BAZ1A: variants seen among roughly 807,000 people sequenced by gnomAD.
BAZ1A encodes the protein bromodomain adjacent to zinc finger domain 1A, also known as bromodomain adjacent to zinc finger domain protein 1A.
Under a neutral mutation model 185.2 loss-of-function variants are expected in BAZ1A, and 50 were observed. The ratio of observed to expected loss-of-function variants is 0.27; its 90% CI spans 0.22 to 0.34. The LOEUF (loss-of-function observed/expected upper bound fraction) is 0.34. BAZ1A is among the 10% of genes least tolerant of loss of function. The pLI is 1.00. For synonymous variants in BAZ1A, 571 were observed against 615.6 expected (o/e 0.93, Z 1.07); for missense variants, 1,356 against 1,839.9 (o/e 0.74, Z 4.81).
chr14:34,853,809 T>C (rs866920485), intron 3 of BAZ1A, among the ~76,000 whole-genome samples: 16 of 152,020 alleles, frequency 1.1e-4, no homozygotes, highest in African/African-American at 2.2e-4. Flanking sequence ...CAAGGGGAGA[T>C]AGTTAAAAGT....
At chr14:34,837,622 G>T (rs968297378) in intron 3 of BAZ1A, among the ~76,000 whole-genome samples, 7 of 152,032 alleles carry the variant, frequency 4.6e-5, no homozygotes, top group Non-Finnish European at 7.4e-5. Flanking sequence ...CAAATATCTG[G>T]ATATTATTAA....
At chr14:34,784,037 G>T in intron 14 of BAZ1A, 110 bp from the exon 15 acceptor site, 1 of 981,874 alleles carries the variant, frequency 1.0e-6, no homozygotes, top group Non-Finnish European at 1.4e-6. Flanking sequence ...AGAATATGGA[G>T]TAGTCTCTCA....
chr14:34,833,345 T>C (rs1296149724), intron 3 of BAZ1A, among the ~76,000 whole-genome samples: 2 of 151,986 alleles, frequency 1.3e-5, no homozygotes, highest in Admixed American at 6.6e-5. Context: ...TGACCAAACA[T>C]GGTGAAATCC....
intron 9 of BAZ1A, among the ~76,000 whole-genome samples, chr14:34,798,236 C>T (rs1881314097): frequency 6.6e-6 from 1 of 152,274 alleles, no homozygotes; most frequent in African/African-American, 2.4e-5. Flanking sequence ...GAAAGGCCTG[C>T]TGCGTCTGTA....
chr14:34,793,304 T>C (rs969010857), intron 11 of BAZ1A, among the ~76,000 whole-genome samples: 6 of 152,222 alleles, frequency 3.9e-5, no homozygotes, highest in Admixed American at 2.0e-4. Context: ...AAATAGGGCA[T>C]AGAAGAGGTC....
intron 21 of BAZ1A, among the ~76,000 whole-genome samples, chr14:34,768,332 T>A (rs915116857): frequency 5.3e-5 from 8 of 152,116 alleles, no homozygotes; most frequent in African/African-American, 1.9e-4. Flanking sequence ...CCTATGTCTC[T>A]CCAAGCTAGT....
intron 4 of BAZ1A, among the ~76,000 whole-genome samples, chr14:34,820,465 T>C (rs2042073185): frequency 6.6e-6 from 1 of 152,178 alleles, no homozygotes. Context: ...TAAGAGTTAT[T>C]TGTATATTTT....
intron 2 of BAZ1A, among the ~76,000 whole-genome samples, chr14:34,868,690 A>G (rs1482695294): frequency 6.6e-6 from 1 of 151,796 alleles, no homozygotes; most frequent in East Asian, 1.9e-4. Flanking sequence ...AATCCTAGCT[A>G]CTCGGGACGC....
Position 34,761,983 on chromosome 14 carries a change from A to T in BAZ1A, c.4017T>A (p.Ser1339Arg). The change falls in exon 24 of 27, where the codon AGT (serine) becomes AGA (arginine). Residue 1339 changes from serine (S) to arginine (R), a missense_variant. By Grantham distance (110) the Ser-to-Arg change is moderately radical. Around this residue, in one of 7 missense-constraint regions of BAZ1A, gnomAD observed 309 missense variants for 355.3 expected, o/e 0.87. Coordinates refer to ENST00000360310, the MANE Select transcript of BAZ1A (RefSeq NM_013448.3). ...LRIASRSTRHSHGPLQADVFV... is the reference protein window; with the variant it reads ...LRIASRSTRHRHGPLQADVFV... ...ATACATCTGCTTGCAGTGGGCCATG[A>T]CTGTGGCGAGTAGAACGACTGGCAA... is the stretch of plus-strand genomic sequence containing the variant. 1 of 1,614,188 alleles carries T rather than the reference A, an allele frequency of 6.2e-7. No individual in the cohort carries two copies. The highest frequency in any genetic ancestry group is 1.3e-5 in the African/African-American group (1 of 75,044).
chr14:34,863,320 C>T (rs749124859), intron 2 of BAZ1A, among the ~76,000 whole-genome samples: 135 of 151,780 alleles, frequency 8.9e-4, no homozygotes, highest in East Asian at 9.7e-4. Flanking sequence ...TGTGCCACCA[C>T]GCCCGGCTAA....
chr14:34,779,544 TA>T (rs1208247501), intron 17 of BAZ1A, among the ~76,000 whole-genome samples: 1 of 151,942 alleles, frequency 6.6e-6, no homozygotes, highest in African/African-American at 2.4e-5. Flanking sequence ...AGTAACCATT[TA>T]AAAAAAATAC....
In BAZ1A at chr14:34,780,187, C is replaced by T. The variant is rs1475786473; in HGVS notation, c.2235G>A (p.Arg745=). ...DDPGSHKRGR[R]GKRGQNGFKE... is the part of the protein sequence containing the mutation. ...GCCCTAAAGAAATTTCAGTATTACC[C>T]CTTCTGCCTCTTTTATGTGATCCTG... The change falls in exon 17 of 27, where the codon AGG becomes AGA. Residue 745 remains arginine (R), a splice_region_variant and synonymous_variant. Transcript: ENST00000360310. The T allele has an allele frequency of 6.2e-7, 1 of 1,612,408 alleles. No homozygotes were observed. Among genetic ancestry groups the T allele is most frequent in the Admixed American group, 1.7e-5 (1 of 59,754 alleles).
Position 34,874,529 on chromosome 14 carries a change from A to G in BAZ1A, c.76T>C (p.Tyr26His), listed in dbSNP as rs1244293983. Reference protein sequence around the residue: ...ADLRPDEEVFYCKVTNEIFRH... With the variant: ...ADLRPDEEVFHCKVTNEIFRH... ...AAGATCTCGTTGGTGACTTTACAGT[A>G]GAAAACTTCCTCGTCGGGCCGCAGG... Residue 26 changes from tyrosine to histidine, a missense_variant, in exon 2 of 27, where the codon TAC (tyrosine) becomes CAC (histidine). Tyr to His is a moderately conservative substitution (Grantham distance 83, BLOSUM62 2). Transcript: ENST00000360310. This position sits in a 1 kb window ranked among gnomAD's most constrained non-coding sequence, Gnocchi z 4.7. The G allele has an allele frequency of 6.2e-7, 1 of 1,611,926 alleles. No individual in the cohort carries two copies.
At chr14:34,800,982 C>A in intron 8 of BAZ1A, 112 bp downstream of exon 8, 1 of 738,068 alleles carries the variant, frequency 1.4e-6, no homozygotes, top group Non-Finnish European at 2.1e-6. Context: ...AATAACTGCA[C>A]TTCAAAACAA....
intron 4 of BAZ1A, among the ~76,000 whole-genome samples, chr14:34,824,423 A>AC (rs1456910697): frequency 6.7e-6 from 1 of 149,514 alleles, no homozygotes; most frequent in African/African-American, 2.4e-5. Flanking sequence ...AAAAAAAAAA[A>AC]AAAAGAAGAG....
Position 34,793,159 on chromosome 14 carries a change from T to C in BAZ1A, c.1364-238A>G, listed in dbSNP as rs140184549. Among the ~76,000 whole-genome samples the C allele has an allele frequency of 2.5e-3, 380 of 152,254 alleles. 2 individuals carry two copies. Among genetic ancestry groups the C allele is most frequent in the African/African-American group, 8.6e-3 (356 of 41,554 alleles). On this transcript the variant is annotated intron_variant, in intron 11 of 26. Transcript: ENST00000360310. The stretch of plus-strand genomic sequence containing the variant: ...TTCAAGTAAGTCAAAATAGCCTCAA[T>C]AGATCAACATATTTCATTTAAATTT...
intron 3 of BAZ1A, among the ~76,000 whole-genome samples, chr14:34,843,364 C>A (rs957206329): frequency 2.0e-5 from 3 of 152,176 alleles, no homozygotes; most frequent in Non-Finnish European, 4.4e-5. Context: ...TACTTTCTTG[C>A]ACTTTGGGGC....
intron 6 of BAZ1A, among the ~76,000 whole-genome samples, chr14:34,807,020 G>A (rs1186794252): frequency 1.3e-5 from 2 of 150,190 alleles, no homozygotes; most frequent in Non-Finnish European, 3.0e-5. Flanking sequence ...CTCGTGAAGT[G>A]CAAGGATTAC....
intron 4 of BAZ1A, 84 bp downstream of exon 4, chr14:34,825,929 C>T (rs907661503): frequency 7.7e-7 from 1 of 1,307,106 alleles, no homozygotes; most frequent in East Asian, 2.7e-5. Context: ...AAGAGTGAAA[C>T]TCTATCTCAA....
Sources: gnomAD v4.1 joint callset for allele counts (sites outside exome capture counted in the v4.1 genomes callset) on GRCh38, gnomAD v4.1.1 for gene constraint, gnomAD v4.1.1 regional missense constraint, Gnocchi (gnomAD v3.1) non-coding constraint, MANE v1.5 for transcripts, NCBI Gene and HGNC (gene_info 2026-07-23, HGNC 2026-07-21) for gene names.